Variants in CNKSR2 observed in about 807,000 individuals in gnomAD.
CNKSR2 encodes CNK homolog protein 2.
A neutral mutation model predicts 84.4 loss-of-function variants in CNKSR2; 14 were observed. That is an observed-to-expected ratio of 0.17 (90% CI 0.11 to 0.26). The LOEUF (loss-of-function observed/expected upper bound fraction) is 0.26. CNKSR2 is among the 10% of genes least tolerant of loss of function. The probability of loss-of-function intolerance (pLI) is 1.00; values close to 1 mark genes in which losing one functional copy is unlikely to be tolerated. For synonymous variants in CNKSR2, 275 were observed against 277.9 expected (o/e 0.99, Z 0.10); for missense variants, 485 against 771.2 (o/e 0.63, Z 4.40).
At chrX:21,544,318 T>C (rs1190853935) in intron 11 of CNKSR2, among the ~76,000 whole-genome samples, 5 of 111,342 alleles carry the variant, frequency 4.5e-5, no homozygotes, top group African/African-American at 1.6e-4. Context: ...CCTCTTAAGC[T>C]CCAGTATAAA....
chrX:21,536,307 G>T (rs1172918524), intron 11 of CNKSR2, among the ~76,000 whole-genome samples: 1 of 111,057 alleles, frequency 9.0e-6, no homozygotes, highest in Non-Finnish European at 1.9e-5. Context: ...GAGGGATATT[G>T]GTCTGTAGTT....
chrX:21,535,630 T>C (rs752811380), intron 11 of CNKSR2, among the ~76,000 whole-genome samples: 1 of 111,066 alleles, frequency 9.0e-6, no homozygotes, highest in East Asian at 2.8e-4. Context: ...TTTGTAGCTA[T>C]TATAAAGGGG....
intron 13 of CNKSR2, among the ~76,000 whole-genome samples, chrX:21,576,835 TTTAA>T (rs1402679778): frequency 9.0e-6 from 1 of 111,669 alleles, no homozygotes; most frequent in Non-Finnish European, 1.9e-5. Context: ...ATTAAAGAAA[TTTAA>T]TTAACTATTA....
At chrX:21,431,505 CTT>C (rs1601780660) in intron 2 of CNKSR2, among the ~76,000 whole-genome samples, 1 of 111,440 alleles carries the variant, frequency 9.0e-6, no homozygotes, top group Non-Finnish European at 1.9e-5. Context: ...GTAAGTCAAA[CTT>C]AGCCTCCCAG....
chrX:21,530,871 C>G (rs1014480107), intron 10 of CNKSR2, among the ~76,000 whole-genome samples: 2 of 110,425 alleles, frequency 1.8e-5, no homozygotes, highest in Admixed American at 1.9e-4. Context: ...TTACCTATTG[C>G]AGTGTGTGAG....
intron 1 of CNKSR2, among the ~76,000 whole-genome samples, chrX:21,389,418 T>G (rs1311874314): frequency 9.0e-6 from 1 of 110,684 alleles, no homozygotes; most frequent in East Asian, 2.8e-4. Flanking sequence ...TTTATACTAT[T>G]TTTTGCAACT....
At chrX:21,570,731 C>T (rs2092278084) in intron 13 of CNKSR2, among the ~76,000 whole-genome samples, 1 of 112,151 alleles carries the variant, frequency 8.9e-6, no homozygotes, top group Non-Finnish European at 1.9e-5. Context: ...TGTTGTTTCT[C>T]AGGGAATAGA....
At position 21,652,666 on chromosome X, in the gene CNKSR2, T is replaced by C; in HGVS notation, c.*145T>C. The C allele has an allele frequency of 2.2e-6, 1 of 444,715 alleles. No homozygotes were observed. The highest frequency in any genetic ancestry group is 3.8e-5 in the South Asian group (1 of 26,547). The allele number at this position is 444,715 out of a possible 1,213,427, so 36.6% of individuals were successfully genotyped here. A position where few individuals can be genotyped will look rare whatever the true frequency, so the allele number is the denominator to read the frequency against. Reference sequence around the variant, plus strand: ...TGAAACAAACCATATATGGTCACAATACCACTATCTTTAATGAGCATTTGT... The same window carrying C: ...TGAAACAAACCATATATGGTCACAACACCACTATCTTTAATGAGCATTTGT... On this transcript the variant is annotated 3_prime_UTR_variant, in exon 22 of 22. Transcript: ENST00000379510.
At position 21,532,160 on chromosome X, in the gene CNKSR2, T is replaced by G. The variant is rs745957810; in HGVS notation, c.1303+93T>G. ...TAAGTTTTTGGGTTGTGAGAGTTAC[T>G]TAGGCGCTTTTGAATCTTTATAATT... On this transcript the variant is annotated intron_variant, in intron 11 of 21. Transcript: ENST00000379510. The G allele has an allele frequency of 6.1e-5, 35 of 570,549 alleles. No individual in the cohort carries two copies. The South Asian group carries it at 1.1e-3, about 18-fold the overall frequency. 47.0% of individuals were successfully genotyped at this position (570,549 alleles called of 1,213,427 possible). A position where few individuals can be genotyped will look rare whatever the true frequency, so the allele number is the denominator to read the frequency against.
At position 21,561,497 on chromosome X, in the gene CNKSR2, G is replaced by A; in HGVS notation, c.1330G>A (p.Val444Met). Residue 444 changes from valine (V) to methionine (M), a missense_variant, in exon 12 of 22, where the codon GTG becomes ATG. Val to Met is a conservative substitution (Grantham distance 21). This residue lies in a region of CNKSR2 where 132 missense variants were observed against 166.7 expected (regional missense o/e 0.79). Coordinates refer to ENST00000379510, the MANE Select transcript of CNKSR2 (RefSeq NM_014927.5). Reference sequence around the variant, plus strand: ...CAAGCTACGACCTATATCTATGCCAGTGGAATATAATTGGGTGGGGGACTA... The same window carrying A: ...CAAGCTACGACCTATATCTATGCCAATGGAATATAATTGGGTGGGGGACTA... ...YGKLRPISMP[V>M]EYNWVGDYED... The A allele has an allele frequency of 8.3e-7, 1 of 1,206,889 alleles. No homozygotes were observed. Among genetic ancestry groups the A allele is most frequent in the South Asian group, 1.8e-5 (1 of 56,742 alleles).
At chrX:21,482,557 T>C (rs1365375424) in intron 5 of CNKSR2, among the ~76,000 whole-genome samples, 1 of 112,298 alleles carries the variant, frequency 8.9e-6, no homozygotes, top group Non-Finnish European at 1.9e-5. Context: ...TGTGGGAAAA[T>C]GTAAGAAATT....
intron 20 of CNKSR2, among the ~76,000 whole-genome samples, chrX:21,628,466 C>A (rs747249062): frequency 6.9e-4 from 77 of 111,728 alleles, no homozygotes; most frequent in Non-Finnish European, 1.1e-3. Context: ...AGAGGTTCTC[C>A]ATGAGAACCC....
At chrX:21,580,127 TA>T (rs1476230229) in intron 13 of CNKSR2, among the ~76,000 whole-genome samples, 5 of 112,165 alleles carry the variant, frequency 4.5e-5, no homozygotes, top group Non-Finnish European at 9.4e-5. Flanking sequence ...TTCCTTTTTT[TA>T]GTCTTAAAAT....
rs111626039 is a variant in CNKSR2 at position 21,388,338 on chromosome X, A to G, written c.64+13377A>G. ...GAAGTAAAAACAAATATTAGGAGAA[A>G]TGTTAATGGACCAGACTCATTTGAT... is the stretch of plus-strand genomic sequence containing the variant. On this transcript the variant is annotated intron_variant, in intron 1 of 21. Coordinates refer to ENST00000379510, the MANE Select transcript of CNKSR2 (RefSeq NM_014927.5). Among the ~76,000 whole-genome samples, 1,098 of 112,497 alleles carry G rather than the reference A, an allele frequency of 9.8e-3. 13 individuals carry two copies. The highest frequency in any genetic ancestry group is 0.033 in the African/African-American group (1,007 of 30,973).
intron 8 of CNKSR2, among the ~76,000 whole-genome samples, chrX:21,507,279 A>G (rs1018477681): frequency 9.0e-6 from 1 of 111,377 alleles, no homozygotes; most frequent in Non-Finnish European, 1.9e-5. Flanking sequence ...TAGGTAACAT[A>G]GCCACTCATT....
chrX:21,413,790 CT>C (rs1286466926), intron 1 of CNKSR2, among the ~76,000 whole-genome samples: 2 of 110,891 alleles, frequency 1.8e-5, no homozygotes, highest in African/African-American at 6.6e-5. Context: ...GGATCTCATT[CT>C]TTTTTATGGC....
intron 15 of CNKSR2, chrX:21,591,706 A>G: frequency 9.1e-6 from 1 of 110,163 alleles, no homozygotes; most frequent in East Asian, 2.9e-4. Flanking sequence ...CACTTGGCCC[A>G]GTGGGGGGGT....
intron 1 of CNKSR2, among the ~76,000 whole-genome samples, chrX:21,395,018 G>A (rs775074753): frequency 4.8e-4 from 54 of 111,839 alleles, no homozygotes; most frequent in Non-Finnish European, 8.5e-4. Context: ...TTGGATTGAG[G>A]ACAATTGAGA....
chrX:21,403,416 A>T (rs1338613397), intron 1 of CNKSR2, among the ~76,000 whole-genome samples: 1 of 111,921 alleles, frequency 8.9e-6, no homozygotes, highest in Non-Finnish European at 1.9e-5. Context: ...AAATTTTATC[A>T]TACGAACTTT....
Sources: gnomAD v4.1 joint callset for allele counts (sites outside exome capture counted in the v4.1 genomes callset) on GRCh38, gnomAD v4.1.1 for gene constraint, gnomAD v4.1.1 regional missense constraint, MANE v1.5 for transcripts, NCBI Gene and HGNC (gene_info 2026-07-23, HGNC 2026-07-21) for gene names.